Variants in ZHX1 observed in about 807,000 individuals in gnomAD.
ZHX1 encodes the protein zinc fingers and homeoboxes protein 1.
ZHX1 carries 20 observed loss-of-function variants against 61.8 expected under a neutral mutation model. The observed-to-expected ratio is 0.32, with a 90% CI of 0.23 to 0.47. The LOEUF (loss-of-function observed/expected upper bound fraction) is 0.47, where lower values mean the gene tolerates loss of function less well. ZHX1 is among the 20% of genes least tolerant of loss of function. The probability of loss-of-function intolerance (pLI) is 1.00; values close to 1 mark genes in which losing one functional copy is unlikely to be tolerated. For missense variants in ZHX1, 800 were observed against 1,034.8 expected, an observed-to-expected ratio of 0.77 and a Z score of 3.11; for synonymous variants, 318 against 352.6, an observed-to-expected ratio of 0.90 and a Z score of 1.10.
At chr8:123,270,523 G>A (rs1206363883) in intron 1 of ZHX1, among the ~76,000 whole-genome samples, 1 of 152,010 alleles carries the variant, frequency 6.6e-6, no homozygotes, top group African/African-American at 2.4e-5. Context: ...GCTCACACCT[G>A]TAATCCCAGC....
In ZHX1 at chr8:123,250,080, T is replaced by C; in HGVS notation, c.*244A>G. 2.8e-6 allele frequency: 1 copy of C among 357,992 alleles called. No individual in the cohort carries two copies. The highest frequency in any genetic ancestry group is 5.5e-6 in the Non-Finnish European group (1 of 182,682). The allele number at this position is 357,992 out of a possible 1,614,324, so 22.2% of individuals were successfully genotyped here. On this transcript the variant is annotated 3_prime_UTR_variant, in exon 4 of 4. Transcript: ENST00000395571. ...GAAGAAAAATGTACTGTATTAAAATTTAAATTGCATTTTTACAAGTTGTTT... is the reference window on the plus strand; with the variant it reads ...GAAGAAAAATGTACTGTATTAAAATCTAAATTGCATTTTTACAAGTTGTTT...
At chr8:123,256,220 T>A (rs1047517807) in intron 2 of ZHX1, 49 bp from the exon 3 acceptor site, 10 of 290,746 alleles carry the variant, frequency 3.4e-5, no homozygotes, top group Middle Eastern at 6.4e-4. Flanking sequence ...AACTATGATC[T>A]TTTAAACAAA....
intron 2 of ZHX1, among the ~76,000 whole-genome samples, chr8:123,264,487 T>C (rs1826386504): frequency 6.6e-6 from 1 of 152,210 alleles, no homozygotes; most frequent in South Asian, 2.1e-4. Flanking sequence ...AATTAAATGA[T>C]TAACAGATAA....
rs566891636 is a variant in ZHX1 at position 123,268,025 on chromosome 8, G to A, written c.-339-639C>T. Among the ~76,000 whole-genome samples, 6 of 147,576 alleles carry A rather than the reference G, an allele frequency of 4.1e-5. No homozygotes were observed. In the East Asian group the frequency reaches 9.6e-4, roughly 24 times the overall value. ...TCTAAATAAATAAATAAATAAATAA[G>A]TATACAAAGGTTATGAAGACAATTT... On this transcript the variant is annotated intron_variant, in intron 1 of 3. Transcript: ENST00000395571.
chr8:123,272,110 C>CT (rs1826675621), intron 1 of ZHX1, among the ~76,000 whole-genome samples: 1 of 152,202 alleles, frequency 6.6e-6, no homozygotes, highest in Non-Finnish European at 1.5e-5. Flanking sequence ...TCTATTTGAA[C>CT]TGTATCTTTA....
chr8:123,253,217 C>A lies in ZHX1; in HGVS notation c.*3+105G>T, dbSNP rs568735378. 7 of 978,396 alleles carry A rather than the reference C, an allele frequency of 7.2e-6. No homozygotes were observed. In the Admixed American group the frequency reaches 1.1e-4, roughly 16 times the overall value. 60.6% of individuals were successfully genotyped at this position (978,396 alleles called of 1,614,324 possible). ...GTCTTATTAGGGAAAAGAAAAACTACTTCAGAAAATATCAAAAATGAAGAT... is the reference window on the plus strand; with the variant it reads ...GTCTTATTAGGGAAAAGAAAAACTAATTCAGAAAATATCAAAAATGAAGAT... On this transcript the variant is annotated intron_variant, in intron 3 of 3. Coordinates refer to ENST00000395571, the MANE Select transcript of ZHX1 (RefSeq NM_007222.5).
Position 123,254,182 on chromosome 8 carries a change from T to C in ZHX1, c.1765A>G (p.Asn589Asp). The change falls in exon 3 of 4, where the codon AAC becomes GAC. Residue 589 changes from asparagine to aspartate, a missense_variant. By Grantham distance (23) the Asn-to-Asp change is conservative (BLOSUM62 1). Coordinates refer to ENST00000395571, the MANE Select transcript of ZHX1 (RefSeq NM_007222.5). This position sits in a 1 kb window ranked among gnomAD's most constrained non-coding sequence, Gnocchi z 4.1. ...TCTTCATCTGTAAGTACAGAGCTGTTGAGAAAACTTGCCTGAAGGACACGA... is the reference window on the plus strand; with the variant it reads ...TCTTCATCTGTAAGTACAGAGCTGTCGAGAAAACTTGCCTGAAGGACACGA... Reference protein sequence around the residue: ...QLRVLQASFLNSSVLTDEELN... With the variant: ...QLRVLQASFLDSSVLTDEELN... 1 of 1,614,188 alleles carries C rather than the reference T, an allele frequency of 6.2e-7. No individual in the cohort carries two copies. Among genetic ancestry groups the C allele is most frequent in the Non-Finnish European group, 8.5e-7 (1 of 1,180,016 alleles).
At chr8:123,268,388 T>A (rs1471063683) in intron 1 of ZHX1, among the ~76,000 whole-genome samples, 2 of 152,230 alleles carry the variant, frequency 1.3e-5, no homozygotes, top group African/African-American at 4.8e-5. Context: ...TTGTTGTATA[T>A]AATCTAGATC....
chr8:123,273,136 T>C (rs1412555357), intron 1 of ZHX1, among the ~76,000 whole-genome samples: 1 of 152,218 alleles, frequency 6.6e-6, no homozygotes, highest in Non-Finnish European at 1.5e-5. Flanking sequence ...TGCTGGATCC[T>C]TCACTAACCT....
chr8:123,272,360 C>G (rs776339588), intron 1 of ZHX1, among the ~76,000 whole-genome samples: 7 of 152,136 alleles, frequency 4.6e-5, no homozygotes, highest in Non-Finnish European at 8.8e-5. Context: ...TAAAATTAGT[C>G]TGCTTAGCCT....
At chr8:123,264,609 A>G (rs746585092) in intron 2 of ZHX1, among the ~76,000 whole-genome samples, 6 of 152,008 alleles carry the variant, frequency 3.9e-5, no homozygotes, top group Non-Finnish European at 8.8e-5. Flanking sequence ...CCCAGGCTGG[A>G]GTGCACTGGG....
chr8:123,262,891 GA>G (rs1826320922), intron 2 of ZHX1: 2 of 149,836 alleles, frequency 1.3e-5, no homozygotes, highest in South Asian at 4.2e-4. Context: ...ATGCGGAGAA[GA>G]TTAGCATGGC....
At chr8:123,260,388 C>T (rs569275147) in intron 2 of ZHX1, among the ~76,000 whole-genome samples, 11 of 151,900 alleles carry the variant, frequency 7.2e-5, no homozygotes, top group African/African-American at 2.2e-4. Flanking sequence ...CACTTGAGGT[C>T]GGGAGTTTGA....
At chr8:123,261,087 A>G (rs1302359027) in intron 2 of ZHX1, among the ~76,000 whole-genome samples, 1 of 152,218 alleles carries the variant, frequency 6.6e-6, no homozygotes, top group African/African-American at 2.4e-5. Flanking sequence ...AACAAAAGTA[A>G]GGTCAGTGTA....
chr8:123,252,258 C>T (rs16898188), intron 3 of ZHX1, among the ~76,000 whole-genome samples: 2,648 of 152,264 alleles, frequency 0.017, 60 homozygotes, highest in African/African-American at 0.06. Context: ...ACTTTTACCC[C>T]GGAACACTCC....
Position 123,254,038 on chromosome 8 carries a change from C to T in ZHX1, c.1909G>A (p.Ala637Thr). 6.2e-7 allele frequency: 1 copy of T among 1,614,046 alleles called. No homozygotes were observed. The highest frequency in any genetic ancestry group is 1.1e-5 in the South Asian group (1 of 91,080). ...CCAGCTTCTTCTTTGGAACTACCTG[C>T]ATTACTTTCATCTATTTCCATTTTC... ...EEKMEIDESN[A>T]GSSKEEAGET... Residue 637 changes from alanine to threonine, a missense_variant, in exon 3 of 4, where the codon GCA (alanine) becomes ACA (threonine). Ala to Thr is a moderately conservative substitution (Grantham distance 58). Coordinates refer to ENST00000395571, the MANE Select transcript of ZHX1 (RefSeq NM_007222.5). The surrounding 1 kb of genome is among the most constrained non-coding windows in gnomAD (Gnocchi z 4.1).
At chr8:123,269,544 T>C (rs560662023) in intron 1 of ZHX1, among the ~76,000 whole-genome samples, 6 of 152,140 alleles carry the variant, frequency 3.9e-5, no homozygotes, top group Non-Finnish European at 8.8e-5. Context: ...TGGTAGTAGA[T>C]GGATTACAAA....
At chr8:123,250,712 CT>C (rs1825893699) in intron 3 of ZHX1, among the ~76,000 whole-genome samples, 1 of 152,052 alleles carries the variant, frequency 6.6e-6, no homozygotes. Context: ...GTTTTGGTAA[CT>C]TTTTTGGTAA....
At chr8:123,268,553 G>A (rs1002962596) in intron 1 of ZHX1, among the ~76,000 whole-genome samples, 5 of 151,994 alleles carry the variant, frequency 3.3e-5, no homozygotes, top group African/African-American at 7.3e-5. Flanking sequence ...GTGCAGTGGC[G>A]CAATATCGAA....
Sources: allele counts gnomAD v4.1 joint callset (sites outside exome capture counted in the v4.1 genomes callset), GRCh38; gene constraint gnomAD v4.1.1; non-coding constraint Gnocchi (gnomAD v3.1); transcripts MANE v1.5; gene names NCBI Gene and HGNC (gene_info 2026-07-23, HGNC 2026-07-21).